The following NPAS3 variants were observed in gnomAD, a reference collection of about 807,000 sequenced individuals.
NPAS3 encodes neuronal PAS domain-containing protein 3.
NPAS3 carries 14 observed loss-of-function variants against 73.1 expected under a neutral mutation model. That is an observed-to-expected ratio of 0.19 (90% CI 0.13 to 0.30). The LOEUF (loss-of-function observed/expected upper bound fraction) is 0.30, where lower values mean the gene tolerates loss of function less well. Among genes scored for constraint, NPAS3 ranks in the 10% least tolerant of loss-of-function variants. NPAS3 has a pLI of 1.00. For missense variants in NPAS3, 1,096 were observed against 1,250.0 expected, an observed-to-expected ratio of 0.88 and a Z score of 1.86; for synonymous variants, 620 against 541.5, an observed-to-expected ratio of 1.14 and a Z score of -2.01.
At chr14:33,199,729 CCT>C (rs1003769997) in intron 2 of NPAS3, among the ~76,000 whole-genome samples, 28 of 147,596 alleles carry the variant, frequency 1.9e-4, no homozygotes, top group African/African-American at 6.8e-4. Flanking sequence ...TCTTCCCCTC[CCT>C]CTTTCCCTCC....
chr14:33,675,778 G>A (rs1244619568), intron 5 of NPAS3, among the ~76,000 whole-genome samples: 2 of 152,062 alleles, frequency 1.3e-5, no homozygotes, highest in South Asian at 2.1e-4. Context: ...GAAAACACTC[G>A]ACTGCTATCT....
intron 3 of NPAS3, among the ~76,000 whole-genome samples, chr14:33,303,560 A>G (rs1427710979): frequency 6.6e-6 from 1 of 152,154 alleles, no homozygotes; most frequent in Non-Finnish European, 1.5e-5. Flanking sequence ...GGATTTTCCA[A>G]AACTTTTGGG....
chr14:33,442,376 G>A (rs1342165732), intron 4 of NPAS3, among the ~76,000 whole-genome samples: 1 of 151,426 alleles, frequency 6.6e-6, no homozygotes, highest in East Asian at 1.9e-4. Flanking sequence ...CCCAGGGGTT[G>A]GAATCCAGCC....
chr14:33,035,823 C>A (rs60337182), intron 1 of NPAS3, among the ~76,000 whole-genome samples: 3,096 of 152,144 alleles, frequency 0.02, 107 homozygotes, highest in African/African-American at 0.072. Flanking sequence ...GCTTTGGGTA[C>A]GGGGGACGCC....
chr14:33,376,254 G>C (rs1445094532), intron 4 of NPAS3, among the ~76,000 whole-genome samples: 1 of 151,978 alleles, frequency 6.6e-6, no homozygotes, highest in Non-Finnish European at 1.5e-5. Flanking sequence ...TCATGATTTT[G>C]AGGAAATATT....
At chr14:33,248,480 G>C (rs1006586428) in intron 3 of NPAS3, among the ~76,000 whole-genome samples, 1 of 151,966 alleles carries the variant, frequency 6.6e-6, no homozygotes, top group African/African-American at 2.4e-5. Flanking sequence ...TCAGTATTTT[G>C]CATGGTTAAA....
At chr14:33,109,298 A>G (rs181772950) in intron 2 of NPAS3, among the ~76,000 whole-genome samples, 9 of 152,304 alleles carry the variant, frequency 5.9e-5, no homozygotes, top group Admixed American at 3.9e-4. Context: ...CAGTTTTCTC[A>G]CCTGTAAAAT....
At chr14:33,080,483 C>A (rs1054104489) in intron 2 of NPAS3, among the ~76,000 whole-genome samples, 7 of 152,070 alleles carry the variant, frequency 4.6e-5, no homozygotes, top group African/African-American at 1.7e-4. Flanking sequence ...AGTAGACAGG[C>A]AAGTAAGTGT....
At chr14:33,152,292 C>T (rs2139249375) in intron 2 of NPAS3, among the ~76,000 whole-genome samples, 1 of 152,150 alleles carries the variant, frequency 6.6e-6, no homozygotes, top group Middle Eastern at 3.4e-3. Flanking sequence ...TCATCAGAGC[C>T]ATTGGTGTTG....
At chr14:32,938,943 C>T (rs1170576764), upstream of NPAS3, among the ~76,000 whole-genome samples, 2 of 145,958 alleles carry the variant, frequency 1.4e-5, no homozygotes, top group African/African-American at 4.9e-5. Flanking sequence ...CGCGGGCGCT[C>T]TGCGGCGCAT....
upstream of NPAS3, among the ~76,000 whole-genome samples, chr14:32,938,794 C>G (rs1179558770): frequency 3.4e-5 from 5 of 147,792 alleles, no homozygotes; most frequent in Non-Finnish European, 1.5e-5. Context: ...GCGGCGGGGC[C>G]CTGGGCCGGG....
chr14:32,983,154 A>G (rs1260077653), intron 1 of NPAS3, among the ~76,000 whole-genome samples: 2 of 152,196 alleles, frequency 1.3e-5, no homozygotes, highest in African/African-American at 4.8e-5. Context: ...TTCAACTAGT[A>G]ATAATAATGA....
chr14:33,058,343 T>A (rs1008367082), intron 2 of NPAS3, among the ~76,000 whole-genome samples: 3 of 152,184 alleles, frequency 2.0e-5, no homozygotes, highest in African/African-American at 7.2e-5. Flanking sequence ...TTTTGGAAGA[T>A]CCTCTAGCTT....
At chr14:33,554,691 G>C (rs1012824968) in intron 4 of NPAS3, among the ~76,000 whole-genome samples, 1 of 152,144 alleles carries the variant, frequency 6.6e-6, no homozygotes, top group African/African-American at 2.4e-5. Context: ...ACTAATTTCA[G>C]AGTGCTTACA....
intron 3 of NPAS3, among the ~76,000 whole-genome samples, chr14:33,292,982 C>T (rs997225336): frequency 7.9e-5 from 12 of 152,184 alleles, no homozygotes; most frequent in Non-Finnish European, 1.5e-4. Flanking sequence ...GACCAGGCAG[C>T]AGTCTCAGCT....
chr14:33,566,494 T>A (rs2055950230), intron 5 of NPAS3, among the ~76,000 whole-genome samples: 1 of 152,130 alleles, frequency 6.6e-6, no homozygotes, highest in Non-Finnish European at 1.5e-5. Flanking sequence ...GCCTCTTTAT[T>A]TCATCCATAA....
intron 1 of NPAS3, among the ~76,000 whole-genome samples, chr14:33,022,742 A>C (rs2039654829): frequency 6.6e-6 from 1 of 152,032 alleles, no homozygotes. Context: ...CCTGTTTAAA[A>C]ACTTTACAAT....
At chr14:33,417,974 G>C (rs112942064) in intron 4 of NPAS3, among the ~76,000 whole-genome samples, 1 of 151,968 alleles carries the variant, frequency 6.6e-6, no homozygotes, top group African/African-American at 2.4e-5. Context: ...TTGCACACAC[G>C]CTCATTGTTT....
chr14:33,270,167 C>T (rs2039405174), intron 3 of NPAS3, among the ~76,000 whole-genome samples: 1 of 152,146 alleles, frequency 6.6e-6, no homozygotes, highest in Admixed American at 6.5e-5. Flanking sequence ...CCCTACCACC[C>T]TCTCCTTCCT....
Sources: allele counts gnomAD v4.1 joint callset (sites outside exome capture counted in the v4.1 genomes callset), GRCh38; gene constraint gnomAD v4.1.1; transcripts MANE v1.5; gene names NCBI Gene and HGNC (gene_info 2026-07-23, HGNC 2026-07-21).